Variants in ARID3A observed in about 807,000 individuals in gnomAD.
ARID3A encodes the protein AT-rich interactive domain-containing protein 3A.
In ARID3A, 11 loss-of-function variants were observed where a neutral mutation model predicts 52.7. That is an observed-to-expected ratio of 0.21 (90% CI 0.13 to 0.35). The LOEUF is 0.35. Among genes scored for constraint, ARID3A ranks in the 10% least tolerant of loss-of-function variants. The probability of loss-of-function intolerance (pLI) is 1.00; values close to 1 mark genes in which losing one functional copy is unlikely to be tolerated. For missense variants in ARID3A, 721 were observed against 838.5 expected (o/e 0.86, Z 1.73); for synonymous variants, 404 against 359.4 (o/e 1.12, Z -1.40).
chr19:932,830 G>A, intron 3 of ARID3A, 88 bp downstream of exon 3: 1 of 1,507,814 alleles, frequency 6.6e-7, no homozygotes, highest in South Asian at 1.3e-5. Flanking sequence ...CGGGGTGTGT[G>A]CTGAGCCGGG....
In ARID3A at chr19:964,244, C is replaced by G. The variant is rs1246771251; in HGVS notation, c.767-4C>G. On this transcript the variant is annotated splice_polypyrimidine_tract_variant and splice_region_variant and intron_variant, in intron 4 of 8. Coordinates refer to ENST00000263620, the MANE Select transcript of ARID3A (RefSeq NM_005224.3). This position sits in a 1 kb window ranked among gnomAD's most constrained non-coding sequence, Gnocchi z 5.7. ...CCCAACCTCCCTCTCGCCCCTTCCC[C>G]CAGGGACACCTGTGAACCGCATCCC... The G allele has an allele frequency of 6.2e-7, 1 of 1,608,214 alleles. No individual in the cohort carries two copies. Among genetic ancestry groups the G allele is most frequent in the Non-Finnish European group, 8.5e-7 (1 of 1,175,570 alleles).
rs79306494 is a variant in ARID3A at position 942,052 on chromosome 19, G to A, written c.693+9310G>A. Among the ~76,000 whole-genome samples the A allele has an allele frequency of 1.4e-3, 206 of 152,308 alleles. 1 individual carries two copies. Among genetic ancestry groups the A allele is most frequent in the African/African-American group, 4.6e-3 (191 of 41,564 alleles). On this transcript the variant is annotated intron_variant, in intron 3 of 8. Coordinates refer to ENST00000263620, the MANE Select transcript of ARID3A (RefSeq NM_005224.3). The surrounding 1 kb of genome is among the most constrained non-coding windows in gnomAD (Gnocchi z 8.1). Reference sequence around the variant, plus strand: ...CGCTGTCTGTCTTGGTCAGCAGCGCGCGTCGGCCGCGGGGCACAGATCAGC... The same window carrying A: ...CGCTGTCTGTCTTGGTCAGCAGCGCACGTCGGCCGCGGGGCACAGATCAGC...
At chr19:930,810 A>C (rs2037311621) in intron 2 of ARID3A, among the ~76,000 whole-genome samples, 1 of 150,580 alleles carries the variant, frequency 6.6e-6, no homozygotes, top group African/African-American at 2.4e-5. Context: ...CACCCGGCCA[A>C]CTTTGTTTCA....
chr19:930,788 C>T (rs936947363), intron 2 of ARID3A, among the ~76,000 whole-genome samples: 4 of 150,666 alleles, frequency 2.7e-5, no homozygotes, highest in Non-Finnish European at 4.4e-5. Flanking sequence ...GGATTACAGG[C>T]GTGAGCCACC....
At position 965,016 on chromosome 19, in the gene ARID3A, C is replaced by G; in HGVS notation, c.1134C>G (p.Ser378=). The G allele has an allele frequency of 6.2e-7, 1 of 1,613,608 alleles. No individual in the cohort carries two copies. Among genetic ancestry groups the G allele is most frequent in the Non-Finnish European group, 8.5e-7 (1 of 1,179,882 alleles). Residue 378 remains serine, a synonymous_variant, in exon 6 of 9, where the codon TCC becomes TCG. Transcript: ENST00000263620. The part of the protein sequence containing the change: ...GMLSSPKLPV[S]SLGLAASTNG... Reference sequence around the variant, plus strand: ...TCTCCTCACCCAAGCTACCCGTGTCCTCCCTGGGCCTGGCCGCAAGCACCA... The same window carrying G: ...TCTCCTCACCCAAGCTACCCGTGTCGTCCCTGGGCCTGGCCGCAAGCACCA...
chr19:968,681 C>G (rs1389441224), intron 8 of ARID3A, 178 bp downstream of exon 8: 1 of 588,690 alleles, frequency 1.7e-6, no homozygotes, highest in East Asian at 2.9e-5. Flanking sequence ...CCATCGTTCA[C>G]CCGGTACCAC....
chr19:943,398 G>A (rs1224869221), intron 3 of ARID3A, among the ~76,000 whole-genome samples: 3 of 151,750 alleles, frequency 2.0e-5, no homozygotes, highest in South Asian at 2.1e-4. Context: ...GTGAAACCCC[G>A]TCTCTACTAA....
chr19:970,767 C>T (rs149825174), intron 8 of ARID3A, among the ~76,000 whole-genome samples: 33 of 151,980 alleles, frequency 2.2e-4, no homozygotes, highest in South Asian at 1.5e-3. Flanking sequence ...GCCACCACAC[C>T]CGGCGGTAAA....
chr19:935,643 A>G (rs2037423646), intron 3 of ARID3A, among the ~76,000 whole-genome samples: 1 of 151,806 alleles, frequency 6.6e-6, no homozygotes, highest in Admixed American at 6.6e-5. Context: ...AAACTCAGCT[A>G]ATTTTTGTAG....
At chr19:956,821 C>G (rs549802313) in intron 3 of ARID3A, 1 of 152,402 alleles carries the variant, frequency 6.6e-6, no homozygotes, top group Admixed American at 6.5e-5. Flanking sequence ...AGGGGCAGGA[C>G]GGCTGCAGGG....
chr19:926,971 GT>G (rs200096719), intron 1 of ARID3A, among the ~76,000 whole-genome samples: 1,520 of 151,786 alleles, frequency 0.01, 26 homozygotes, highest in African/African-American at 0.035. Flanking sequence ...TCCTTCTTGA[GT>G]TTTTTTCTCA....
chr19:929,612 C>T lies in ARID3A; in HGVS notation c.84C>T (p.Pro28=), dbSNP rs2037274016. 15 of 1,524,864 alleles carry T rather than the reference C, an allele frequency of 9.8e-6. No homozygotes were observed. Among genetic ancestry groups the T allele is most frequent in the African/African-American group, 4.2e-5 (3 of 71,484 alleles). 94.5% of individuals were successfully genotyped at this position (1,524,864 alleles called of 1,614,324 possible). Residue 28 remains proline (P), a synonymous_variant, in exon 2 of 9, where the codon CCC becomes CCT. Coordinates refer to ENST00000263620, the MANE Select transcript of ARID3A (RefSeq NM_005224.3). This position sits in a 1 kb window ranked among gnomAD's most constrained non-coding sequence, Gnocchi z 6.2. ...AGCTGGAGGCCCGGCAGCAGCTGCC[C>T]CCCGATCCCCCTGCTGCACCCCCCG... ...RQELEARQQL[P]PDPPAAPPGR...
In ARID3A at chr19:929,712, C is replaced by G. The variant is rs749060364; in HGVS notation, c.184C>G (p.Leu62Val). ...GATGCAGCGGGCTCAGATGGCCGCA[C>G]TGGCAGCCATGCGGGCTGCAGCTGC... ...ARMQRAQMAA[L>V]AAMRAAAAGL... The change falls in exon 2 of 9, where the codon CTG becomes GTG. Residue 62 changes from leucine to valine, a missense_variant. Around this residue, in one of 5 missense-constraint regions of ARID3A, gnomAD observed 349 missense variants for 297.3 expected, o/e 1.17. Coordinates refer to ENST00000263620, the MANE Select transcript of ARID3A (RefSeq NM_005224.3). The surrounding 1 kb of genome is among the most constrained non-coding windows in gnomAD (Gnocchi z 6.2). 14 of 1,564,878 alleles carry G rather than the reference C, an allele frequency of 8.9e-6. No homozygotes were observed. Among genetic ancestry groups the G allele is most frequent in the Non-Finnish European group, 1.2e-5 (14 of 1,163,590 alleles).
At position 973,394 on chromosome 19, in the gene ARID3A, A is replaced by T. The variant is rs1012809762; in HGVS notation, c.*1329A>T. 2 of 188,202 alleles carry T rather than the reference A, an allele frequency of 1.1e-5. No individual in the cohort carries two copies. The highest frequency in any genetic ancestry group is 2.3e-5 in the African/African-American group (1 of 42,716). The allele number at this position is 188,202 out of a possible 1,614,324, so 11.7% of individuals were successfully genotyped here. On this transcript the variant is annotated 3_prime_UTR_variant, in exon 9 of 9. Transcript: ENST00000263620. ...CTCCCAAAGTGCTGGGATTACAGGC[A>T]TGAGCCGCCACGCTGGCCCGGTCTG...
chr19:930,479 G>A (rs1404806159), intron 2 of ARID3A, among the ~76,000 whole-genome samples: 1 of 150,946 alleles, frequency 6.6e-6, no homozygotes, highest in Non-Finnish European at 1.5e-5. Flanking sequence ...TTGAACCTGG[G>A]AGGTGAAGAT....
At chr19:950,077 G>A (rs1450160863) in intron 3 of ARID3A, among the ~76,000 whole-genome samples, 1 of 130,146 alleles carries the variant, frequency 7.7e-6, no homozygotes, top group Non-Finnish European at 1.7e-5. Flanking sequence ...GATGGATGAG[G>A]CCGTCCCCAG....
chr19:960,140 T>G lies in ARID3A; in HGVS notation c.742T>G (p.Leu248Val). ...DPKRKEFLDD[L>V]FSFMQKRGTP... ...CAAGAGGAAGGAATTCCTGGATGACTTGTTCAGCTTCATGCAGAAGCGAGG... is the reference window on the plus strand; with the variant it reads ...CAAGAGGAAGGAATTCCTGGATGACGTGTTCAGCTTCATGCAGAAGCGAGG... Residue 248 changes from leucine to valine, a missense_variant, in exon 4 of 9, where the codon TTG (leucine) becomes GTG (valine). Physicochemically the swap from Leu to Val is conservative, Grantham distance 32. Transcript: ENST00000263620. This position sits in a 1 kb window ranked among gnomAD's most constrained non-coding sequence, Gnocchi z 4.3. 6.2e-7 allele frequency: 1 copy of G among 1,612,664 alleles called. No individual in the cohort carries two copies. Among genetic ancestry groups the G allele is most frequent in the Non-Finnish European group, 8.5e-7 (1 of 1,179,258 alleles).
chr19:964,536 G>A lies in ARID3A; in HGVS notation c.950+105G>A. ...GGGTGGTGGGCAGCTGCAGAGGAGG[G>A]GGCAGTGGGCAGCCGCAAAGGGCAC... On this transcript the variant is annotated intron_variant, in intron 5 of 8. Coordinates refer to ENST00000263620, the MANE Select transcript of ARID3A (RefSeq NM_005224.3). This position sits in a 1 kb window ranked among gnomAD's most constrained non-coding sequence, Gnocchi z 5.7. The A allele has an allele frequency of 7.1e-7, 1 of 1,402,776 alleles. No homozygotes were observed. The highest frequency in any genetic ancestry group is 9.5e-7 in the Non-Finnish European group (1 of 1,051,036). The allele number at this position is 1,402,776 out of a possible 1,614,324, so 86.9% of individuals were successfully genotyped here.
chr19:967,602 A>G (rs185571467), intron 7 of ARID3A, among the ~76,000 whole-genome samples: 85 of 152,280 alleles, frequency 5.6e-4, no homozygotes, highest in Non-Finnish European at 1.1e-3. Flanking sequence ...GGACAAATAC[A>G]CTTATTCAAC....
Sources: allele counts gnomAD v4.1 joint callset (sites outside exome capture counted in the v4.1 genomes callset), GRCh38; gene constraint gnomAD v4.1.1; regional missense constraint gnomAD v4.1.1; non-coding constraint Gnocchi (gnomAD v3.1); transcripts MANE v1.5; gene names NCBI Gene and HGNC (gene_info 2026-07-23, HGNC 2026-07-21).